ATP8A2: variants seen among roughly 807,000 people sequenced by gnomAD.
ATP8A2 encodes ATPase phospholipid transporting 8A2.
Under a neutral mutation model 165.6 loss-of-function variants are expected in ATP8A2, and 100 were observed. The ratio of observed to expected loss-of-function variants is 0.60; its 90% CI spans 0.51 to 0.71. The LOEUF (loss-of-function observed/expected upper bound fraction) is 0.71, where lower values mean the gene tolerates loss of function less well. Ranked by LOEUF, ATP8A2 falls within the 30% of genes least tolerant of loss-of-function variation. ATP8A2 has a pLI of 0.00. For synonymous variants in ATP8A2, 543 were observed against 548.8 expected (o/e 0.99, Z 0.15); for missense variants, 1,227 against 1,479.5 (o/e 0.83, Z 2.80).
At chr13:25,388,661 C>T (rs1334543633) in intron 1 of ATP8A2, among the ~76,000 whole-genome samples, 2 of 152,204 alleles carry the variant, frequency 1.3e-5, no homozygotes, top group Non-Finnish European at 2.9e-5. Flanking sequence ...CTACCAGGCC[C>T]AGGTGTGGCA....
intron 36 of ATP8A2, among the ~76,000 whole-genome samples, chr13:26,015,421 A>T (rs1300197380): frequency 2.0e-5 from 3 of 152,128 alleles, no homozygotes; most frequent in African/African-American, 7.2e-5. Context: ...AACATACAAT[A>T]TTTGTAATCA....
At chr13:25,433,890 C>T (rs768926265) in intron 1 of ATP8A2, among the ~76,000 whole-genome samples, 14 of 152,112 alleles carry the variant, frequency 9.2e-5, no homozygotes, top group Non-Finnish European at 1.5e-5. Flanking sequence ...GAAAATATTG[C>T]GTGTTCTCAC....
intron 28 of ATP8A2, among the ~76,000 whole-genome samples, chr13:25,834,066 G>C (rs1951546446): frequency 6.6e-6 from 1 of 151,596 alleles, no homozygotes; most frequent in Admixed American, 6.6e-5. Flanking sequence ...TGATAGTTGG[G>C]GAATTGCAGC....
intron 33 of ATP8A2, among the ~76,000 whole-genome samples, chr13:25,875,729 G>A (rs980763445): frequency 2.7e-5 from 4 of 149,438 alleles, no homozygotes; most frequent in African/African-American, 1.0e-4. Context: ...GGTGATGTCT[G>A]TGGCATGATA....
chr13:25,883,256 A>C (rs1353590048), intron 33 of ATP8A2, among the ~76,000 whole-genome samples: 2 of 152,006 alleles, frequency 1.3e-5, no homozygotes, highest in South Asian at 2.1e-4. Flanking sequence ...GCATACTCTT[A>C]TGAAAAAATA....
chr13:25,994,876 T>C (rs1956465860), intron 35 of ATP8A2, among the ~76,000 whole-genome samples: 1 of 152,138 alleles, frequency 6.6e-6, no homozygotes, highest in Non-Finnish European at 1.5e-5. Flanking sequence ...AGTATAATAG[T>C]AGCTTCATAA....
intron 33 of ATP8A2, among the ~76,000 whole-genome samples, chr13:25,928,198 G>A (rs1342601204): frequency 6.6e-6 from 1 of 152,206 alleles, no homozygotes; most frequent in Non-Finnish European, 1.5e-5. Flanking sequence ...AGATGGCCAG[G>A]GGGCCTGTGT....
intron 24 of ATP8A2, among the ~76,000 whole-genome samples, chr13:25,593,262 A>G (rs2040141864): frequency 6.6e-6 from 1 of 152,202 alleles, no homozygotes; most frequent in South Asian, 2.1e-4. Flanking sequence ...TGGCCCAACA[A>G]TTAGAAGCAT....
chr13:25,965,793 C>T (rs1046808525), intron 34 of ATP8A2, among the ~76,000 whole-genome samples: 6 of 152,118 alleles, frequency 3.9e-5, no homozygotes, highest in African/African-American at 9.7e-5. Flanking sequence ...ATACAGTCCC[C>T]GATTCCAGAA....
intron 24 of ATP8A2, among the ~76,000 whole-genome samples, chr13:25,625,863 G>A (rs913202538): frequency 3.9e-5 from 6 of 152,050 alleles, no homozygotes; most frequent in African/African-American, 7.2e-5. Flanking sequence ...CCCATTTTAC[G>A]GATGAATATG....
intron 24 of ATP8A2, among the ~76,000 whole-genome samples, chr13:25,682,912 A>G (rs536417476): frequency 3.3e-5 from 5 of 152,252 alleles, no homozygotes; most frequent in African/African-American, 4.8e-5. Context: ...GCCTTCTTTT[A>G]CACCTAATAG....
chr13:25,895,474 G>A (rs1953508223), intron 33 of ATP8A2, among the ~76,000 whole-genome samples: 1 of 152,180 alleles, frequency 6.6e-6, no homozygotes, highest in African/African-American at 2.4e-5. Context: ...TGTTCATCAA[G>A]GATATTGGTC....
chr13:25,610,152 C>A (rs773370329), intron 24 of ATP8A2, among the ~76,000 whole-genome samples: 1 of 151,994 alleles, frequency 6.6e-6, no homozygotes, highest in Non-Finnish European at 1.5e-5. Context: ...GTTTTTGTTG[C>A]ATTTGCTTTT....
intron 28 of ATP8A2, among the ~76,000 whole-genome samples, 198 bp downstream of exon 28, chr13:25,828,390 A>G (rs1170901722): frequency 6.6e-6 from 1 of 152,222 alleles, no homozygotes; most frequent in African/African-American, 2.4e-5. Context: ...TTTCAATCAT[A>G]GCAGATCATT....
chr13:25,937,362 C>CTTTCTTTCTTTTTT, intron 33 of ATP8A2, among the ~76,000 whole-genome samples: 5 of 38,804 alleles, frequency 1.3e-4, no homozygotes, highest in Non-Finnish European at 1.6e-4. Context: ...TTCTTTCTTT[C>CTTTCTTTCTTTTTT]TTTTTTTTTT....
At chr13:25,614,854 C>A (rs1039598117) in intron 24 of ATP8A2, among the ~76,000 whole-genome samples, 1 of 152,200 alleles carries the variant, frequency 6.6e-6, no homozygotes, top group Admixed American at 6.5e-5. Flanking sequence ...GTGATGTGGA[C>A]TGTCTACAGG....
At chr13:25,892,555 G>A (rs1304498940) in intron 33 of ATP8A2, among the ~76,000 whole-genome samples, 1 of 141,398 alleles carries the variant, frequency 7.1e-6, no homozygotes, top group African/African-American at 2.9e-5. Context: ...AAGTCAAAAG[G>A]CAATGGAAAC....
chr13:25,615,225 G>T (rs1160883587), intron 24 of ATP8A2, among the ~76,000 whole-genome samples: 1 of 152,136 alleles, frequency 6.6e-6, no homozygotes, highest in Admixed American at 6.5e-5. Context: ...TGCTGTGGTG[G>T]ATGGAGATGT....
intron 33 of ATP8A2, chr13:25,927,253 A>G (rs1489825488): frequency 2.2e-6 from 1 of 456,626 alleles, no homozygotes; most frequent in African/African-American, 2.0e-5. Flanking sequence ...TGACAGAAAG[A>G]TTAAACGTCT....
Sources: allele counts gnomAD v4.1 joint callset (sites outside exome capture counted in the v4.1 genomes callset), GRCh38; gene constraint gnomAD v4.1.1; transcripts MANE v1.5; gene names NCBI Gene and HGNC (gene_info 2026-07-23, HGNC 2026-07-21).